PDLIM1: variants seen among roughly 807,000 people sequenced by gnomAD.
PDLIM1 encodes PDZ and LIM domain 1.
Under a neutral mutation model 35.2 loss-of-function variants are expected in PDLIM1, and 25 were observed. The observed-to-expected ratio is 0.71, with a 90% CI of 0.52 to 0.99. The LOEUF is 0.99. Among genes scored for constraint, PDLIM1 ranks in the 50% least tolerant of loss-of-function variants. The pLI is 0.00. For missense variants in PDLIM1, 363 were observed against 415.3 expected (o/e 0.87, Z 1.09); for synonymous variants, 152 against 154.0 (o/e 0.99, Z 0.10).
intron 1 of PDLIM1, among the ~76,000 whole-genome samples, chr10:95,280,856 A>T (rs148321177): frequency 6.6e-6 from 1 of 152,280 alleles, no homozygotes; most frequent in East Asian, 1.9e-4. Flanking sequence ...ACCAATACTC[A>T]GCCAACTGTG....
At chr10:95,251,824 C>A (rs879443023) in intron 4 of PDLIM1, among the ~76,000 whole-genome samples, 1 of 152,150 alleles carries the variant, frequency 6.6e-6, no homozygotes, top group Non-Finnish European at 1.5e-5. Context: ...GACAGGGCAA[C>A]GGAAGCCACA....
chr10:95,276,973 G>A (rs1292991483), intron 1 of PDLIM1, among the ~76,000 whole-genome samples: 1 of 151,044 alleles, frequency 6.6e-6, no homozygotes, highest in Non-Finnish European at 1.5e-5. Flanking sequence ...AGCACTGTGG[G>A]AGACCAAGGT....
chr10:95,285,558 G>A (rs1469164071), intron 1 of PDLIM1, among the ~76,000 whole-genome samples: 1 of 152,198 alleles, frequency 6.6e-6, no homozygotes, highest in Admixed American at 6.5e-5. Context: ...CCTCTGTCAT[G>A]GGTTGTGGGG....
intron 5 of PDLIM1, among the ~76,000 whole-genome samples, chr10:95,240,648 T>C (rs994978028): frequency 6.6e-6 from 1 of 152,206 alleles, no homozygotes; most frequent in African/African-American, 2.4e-5. Context: ...CCCCTGAACT[T>C]AAATGTTGGA....
chr10:95,271,412 G>A (rs1228717468), intron 2 of PDLIM1, among the ~76,000 whole-genome samples: 2 of 148,984 alleles, frequency 1.3e-5, no homozygotes, highest in African/African-American at 2.5e-5. Flanking sequence ...ACTCCAGCCT[G>A]GGCAACAGAG....
intron 3 of PDLIM1, among the ~76,000 whole-genome samples, chr10:95,268,026 A>G (rs2035430322): frequency 6.6e-6 from 1 of 152,206 alleles, no homozygotes; most frequent in East Asian, 1.9e-4. Context: ...AAACATCTCT[A>G]AGTTTGTCCC....
chr10:95,274,797 G>A (rs1317395239), intron 1 of PDLIM1, among the ~76,000 whole-genome samples: 1 of 152,130 alleles, frequency 6.6e-6, no homozygotes, highest in African/African-American at 2.4e-5. Context: ...TTAAAGATCT[G>A]GCCTAACCAA....
intron 3 of PDLIM1, among the ~76,000 whole-genome samples, chr10:95,266,902 A>T (rs1470205255): frequency 6.6e-6 from 1 of 152,208 alleles, no homozygotes; most frequent in Non-Finnish European, 1.5e-5. Flanking sequence ...TCAGTCTCCA[A>T]GGAAACTCAA....
chr10:95,272,713 A>C (rs908796656), intron 1 of PDLIM1, among the ~76,000 whole-genome samples: 3 of 152,112 alleles, frequency 2.0e-5, no homozygotes, highest in Non-Finnish European at 4.4e-5. Flanking sequence ...AATTGTTAAA[A>C]GCAATCAAGG....
chr10:95,268,103 A>G (rs2035430687), intron 3 of PDLIM1, among the ~76,000 whole-genome samples: 1 of 152,228 alleles, frequency 6.6e-6, no homozygotes, highest in Non-Finnish European at 1.5e-5. Flanking sequence ...AGAAAGAAAT[A>G]AAATCACCTA....
intron 4 of PDLIM1, among the ~76,000 whole-genome samples, chr10:95,253,431 GCTCACCTGAGGTGAGGAGTTCAAGA>G (rs1354228812): frequency 6.6e-6 from 1 of 152,178 alleles, no homozygotes; most frequent in African/African-American, 2.4e-5. Context: ...AGGCATGGTG[GCTCACCTGAGGTGAGGAGTTCAAGA>G]CCAGCCTGGC....
At chr10:95,264,135 G>T in intron 3 of PDLIM1, 72 bp from the exon 4 acceptor site, 1 of 1,320,416 alleles carries the variant, frequency 7.6e-7, no homozygotes, top group Non-Finnish European at 1.1e-6. Context: ...AGTGCAGGCT[G>T]AGCGCCAGGG....
At chr10:95,279,209 GAC>G (rs2035539605) in intron 1 of PDLIM1, among the ~76,000 whole-genome samples, 1 of 152,140 alleles carries the variant, frequency 6.6e-6, no homozygotes, top group Non-Finnish European at 1.5e-5. Flanking sequence ...CTCTATATGA[GAC>G]ACATGCTCTC....
At chr10:95,257,517 T>C (rs187427527) in intron 4 of PDLIM1, among the ~76,000 whole-genome samples, 146 of 152,148 alleles carry the variant, frequency 9.6e-4, no homozygotes, top group African/African-American at 3.5e-3. Context: ...TGAATAGACA[T>C]TTAGCCAAAA....
chr10:95,238,960 T>A, intron 5 of PDLIM1: 1 of 320,564 alleles, frequency 3.1e-6, no homozygotes, highest in Non-Finnish European at 5.9e-6. Context: ...CCACCCAAAT[T>A]CAAACTATAT....
intron 4 of PDLIM1, among the ~76,000 whole-genome samples, chr10:95,254,401 T>C (rs930656247): frequency 6.6e-6 from 1 of 152,146 alleles, no homozygotes; most frequent in African/African-American, 2.4e-5. Flanking sequence ...GAGATGGAAA[T>C]GGACATTATA....
intron 4 of PDLIM1, among the ~76,000 whole-genome samples, chr10:95,257,047 A>G (rs1412458226): frequency 6.6e-6 from 1 of 151,056 alleles, no homozygotes; most frequent in Non-Finnish European, 1.5e-5. Flanking sequence ...AGAATTCAAA[A>G]TAGATTAAAG....
At chr10:95,273,156 C>A (rs777660697) in intron 1 of PDLIM1, 2 of 152,094 alleles carry the variant, frequency 1.3e-5, no homozygotes, top group Non-Finnish European at 2.9e-5. Context: ...CATTACAAGA[C>A]CTTCCTGGAT....
intron 4 of PDLIM1, among the ~76,000 whole-genome samples, chr10:95,262,574 T>C (rs1246565648): frequency 1.3e-5 from 2 of 152,106 alleles, no homozygotes; most frequent in East Asian, 3.9e-4. Flanking sequence ...GGACCAGGAA[T>C]GCACGCTCCA....
Sources: allele counts gnomAD v4.1 joint callset (sites outside exome capture counted in the v4.1 genomes callset), GRCh38; gene constraint gnomAD v4.1.1; transcripts MANE v1.5; gene names NCBI Gene and HGNC (gene_info 2026-07-23, HGNC 2026-07-21).